Variants in TMTC1 observed in about 807,000 individuals in gnomAD.
TMTC1 encodes transmembrane O-mannosyltransferase targeting cadherins 1, also known as protein O-mannosyl-transferase TMTC1.
In TMTC1, 73 loss-of-function variants were observed where a neutral mutation model predicts 104.8. That is an observed-to-expected ratio of 0.70 (90% confidence interval 0.58 to 0.85). The LOEUF (loss-of-function observed/expected upper bound fraction) is 0.85. Ranked by LOEUF, TMTC1 falls within the 40% of genes least tolerant of loss-of-function variation. The pLI is 0.00. For missense variants in TMTC1, 1,035 were observed against 1,096.1 expected, an observed-to-expected ratio of 0.94 and a Z score of 0.79; for synonymous variants, 434 against 428.7, an observed-to-expected ratio of 1.01 and a Z score of -0.15.
intron 7 of TMTC1, among the ~76,000 whole-genome samples, chr12:29,584,240 T>A (rs1946064048): frequency 6.6e-6 from 1 of 152,184 alleles, no homozygotes; most frequent in Non-Finnish European, 1.5e-5. Flanking sequence ...TATATCAGCA[T>A]TACGTCTCTA....
In TMTC1 at chr12:29,505,485, G is replaced by A. The variant is rs1943677300; in HGVS notation, c.*1361C>T. 1 of 152,134 alleles carries A rather than the reference G, an allele frequency of 6.6e-6. No homozygotes were observed. Among genetic ancestry groups the A allele is most frequent in the African/African-American group, 2.4e-5 (1 of 41,430 alleles). The allele number at this position is 152,134 out of a possible 1,614,324, so 9.4% of individuals were successfully genotyped here. ...AAGTGAATAATCAACACAAAGTTTG[G>A]GAGGGACTGTTAAAACTTAACTATT... On this transcript the variant is annotated 3_prime_UTR_variant, in exon 18 of 18. Transcript: ENST00000539277.
chr12:29,696,145 C>T (rs933148552), intron 5 of TMTC1, among the ~76,000 whole-genome samples: 5 of 151,976 alleles, frequency 3.3e-5, no homozygotes, highest in East Asian at 1.9e-4. Context: ...CTCTTTATTT[C>T]GACATTATAG....
intron 5 of TMTC1, among the ~76,000 whole-genome samples, chr12:29,636,886 A>C (rs944382154): frequency 1.7e-4 from 26 of 151,398 alleles, no homozygotes; most frequent in African/African-American, 6.3e-4. Context: ...CTCTACAAAA[A>C]ATTAAAAAAA....
rs1944129056 is a variant in TMTC1 at position 29,520,795 on chromosome 12, G to C, written c.1786-75C>G. On this transcript the variant is annotated intron_variant, in intron 11 of 17. Coordinates refer to ENST00000539277, the MANE Select transcript of TMTC1 (RefSeq NM_001193451.2). ...CAACAATAACTGAATATTAGGAGCA[G>C]GAAAAGCAAAAAAAAAATAAATCTT... 4 of 1,193,622 alleles carry C rather than the reference G, an allele frequency of 3.4e-6. No homozygotes were observed. The Admixed American group carries it at 9.2e-5, about 27-fold the overall frequency. 73.9% of individuals were successfully genotyped at this position (1,193,622 alleles called of 1,614,324 possible).
At chr12:29,739,721 T>C (rs1005530986) in intron 5 of TMTC1, among the ~76,000 whole-genome samples, 7 of 152,108 alleles carry the variant, frequency 4.6e-5, no homozygotes, top group African/African-American at 1.4e-4. Flanking sequence ...TTTTGTTTTT[T>C]TTTCCGAGAT....
At chr12:29,711,797 A>C (rs1202417987) in intron 5 of TMTC1, among the ~76,000 whole-genome samples, 1 of 152,040 alleles carries the variant, frequency 6.6e-6, no homozygotes, top group African/African-American at 2.4e-5. Flanking sequence ...TGAGGTCAGG[A>C]GATCGAGACC....
At chr12:29,513,220 A>G (rs1795429616) in intron 16 of TMTC1, among the ~76,000 whole-genome samples, 1 of 152,132 alleles carries the variant, frequency 6.6e-6, no homozygotes, top group Non-Finnish European at 1.5e-5. Flanking sequence ...GATAATGACC[A>G]TGCCTTTCTT....
At chr12:29,545,361 C>T (rs575473883) in intron 10 of TMTC1, among the ~76,000 whole-genome samples, 16 of 152,224 alleles carry the variant, frequency 1.1e-4, no homozygotes, top group African/African-American at 2.2e-4. Flanking sequence ...AGATGGAGGC[C>T]GGGCACAATG....
chr12:29,770,009 G>A (rs1943560120), intron 1 of TMTC1, among the ~76,000 whole-genome samples: 1 of 151,918 alleles, frequency 6.6e-6, no homozygotes, highest in Admixed American at 6.6e-5. Context: ...ATCTCACAGT[G>A]TAAATGGTAA....
intron 15 of TMTC1, 56 bp downstream of exon 15, chr12:29,516,293 T>G (rs1943983699): frequency 1.9e-6 from 3 of 1,563,052 alleles, no homozygotes; most frequent in Non-Finnish European, 2.6e-6. Context: ...ATCACTTAGG[T>G]GCACCCCATG....
chr12:29,614,674 C>G (rs1468982737), intron 6 of TMTC1, among the ~76,000 whole-genome samples: 1 of 152,110 alleles, frequency 6.6e-6, no homozygotes, highest in African/African-American at 2.4e-5. Context: ...CACAACAGCT[C>G]AAATATCTCA....
intron 7 of TMTC1, among the ~76,000 whole-genome samples, chr12:29,586,157 C>A (rs906874099): frequency 2.0e-4 from 31 of 152,144 alleles, no homozygotes; most frequent in African/African-American, 7.0e-4. Flanking sequence ...TCCTTCACAT[C>A]CCTTGTAAGT....
At chr12:29,745,822 A>G (rs1942941287) in intron 5 of TMTC1, among the ~76,000 whole-genome samples, 1 of 152,124 alleles carries the variant, frequency 6.6e-6, no homozygotes. Flanking sequence ...AGTTCAGCCT[A>G]AAAGTTATTG....
At chr12:29,758,361 C>T (rs1943264908) in intron 3 of TMTC1, among the ~76,000 whole-genome samples, 1 of 152,030 alleles carries the variant, frequency 6.6e-6, no homozygotes, top group South Asian at 2.1e-4. Flanking sequence ...AAATTATAGG[C>T]AAATAAAAGA....
At chr12:29,733,694 G>T (rs1165196850) in intron 5 of TMTC1, among the ~76,000 whole-genome samples, 3 of 152,152 alleles carry the variant, frequency 2.0e-5, no homozygotes. Context: ...AAAATTTGCA[G>T]TCAGGTTGGC....
intron 5 of TMTC1, among the ~76,000 whole-genome samples, chr12:29,714,824 A>G (rs1040321571): frequency 6.6e-6 from 1 of 152,194 alleles, no homozygotes; most frequent in Admixed American, 6.5e-5. Flanking sequence ...CCCAGTGGTC[A>G]TGATCTTAAC....
Position 29,751,849 on chromosome 12 carries a change from C to A in TMTC1, c.755G>T (p.Arg252Leu). 6.3e-7 allele frequency: 1 copy of A among 1,583,366 alleles called. No individual in the cohort carries two copies. Among genetic ancestry groups the A allele is most frequent in the Non-Finnish European group, 8.6e-7 (1 of 1,164,712 alleles). Residue 252 changes from arginine to leucine, a missense_variant, in exon 5 of 18, where the codon CGC (arginine) becomes CTC (leucine). Physicochemically the swap from Arg to Leu is moderately radical, Grantham distance 102. Transcript: ENST00000539277. The stretch of plus-strand genomic sequence containing the variant: ...GGGGCTCCCGGGCTGCTGTGGGCTG[C>A]GTGGACAGAGGGCCCCATTGCTCCT... ...DKSSNGALCP[R>L]SPQQPGSPQP...
chr12:29,727,527 C>T lies in TMTC1; in HGVS notation c.938+24139G>A, dbSNP rs998112268. Among the ~76,000 whole-genome samples the T allele has an allele frequency of 3.3e-5, 5 of 152,218 alleles. 1 individual carries two copies. The highest frequency in any genetic ancestry group is 1.5e-5 in the Non-Finnish European group (1 of 68,022). ...AAGTAGCTGGGACTACAGGCACCCA[C>T]CACCACGCCTGGCTAATTTTTTGTA... On this transcript the variant is annotated intron_variant, in intron 5 of 17. Transcript: ENST00000539277.
At chr12:29,667,647 A>T (rs1940335822) in intron 5 of TMTC1, among the ~76,000 whole-genome samples, 2 of 152,230 alleles carry the variant, frequency 1.3e-5, no homozygotes, top group Admixed American at 1.3e-4. Context: ...TTTCAGTGTC[A>T]AAGGTCAATG....
Sources: allele counts gnomAD v4.1 joint callset (sites outside exome capture counted in the v4.1 genomes callset), GRCh38; gene constraint gnomAD v4.1.1; transcripts MANE v1.5; gene names NCBI Gene and HGNC (gene_info 2026-07-23, HGNC 2026-07-21).